CHL1: variants seen among roughly 807,000 people sequenced by gnomAD.
CHL1 encodes the protein cell adhesion molecule L1 like, also known as neural cell adhesion molecule L1-like protein.
Under a neutral mutation model 141.9 loss-of-function variants are expected in CHL1, and 96 were observed. That is an observed-to-expected ratio of 0.68 (90% confidence interval 0.57 to 0.80). The LOEUF (loss-of-function observed/expected upper bound fraction) is 0.80, where lower values mean the gene tolerates loss of function less well. Ranked by LOEUF, CHL1 falls within the 30% of genes least tolerant of loss-of-function variation. CHL1 has a pLI of 0.00. For missense variants in CHL1, 1,820 were observed against 1,457.2 expected, an observed-to-expected ratio of 1.25 and a Z score of -4.05; for synonymous variants, 613 against 502.2, an observed-to-expected ratio of 1.22 and a Z score of -2.95.
intron 2 of CHL1, among the ~76,000 whole-genome samples, chr3:284,793 A>G (rs1440219095): frequency 6.6e-6 from 1 of 151,592 alleles, no homozygotes; most frequent in Non-Finnish European, 1.5e-5. Context: ...CTCCAACCTC[A>G]GTAGATCTAA....
At chr3:358,865 A>G (rs948472798) in intron 11 of CHL1, among the ~76,000 whole-genome samples, 1 of 151,592 alleles carries the variant, frequency 6.6e-6, no homozygotes, top group African/African-American at 2.4e-5. Context: ...TTGATTATTA[A>G]TCTTGTAATG....
rs116720143 is a variant in CHL1 at position 403,229 on chromosome 3, C to T, written c.3458+1531C>T. Among the ~76,000 whole-genome samples, 1,093 of 152,254 alleles carry T rather than the reference C, an allele frequency of 7.2e-3. 4 individuals are homozygous for T. Among genetic ancestry groups the T allele is most frequent in the Middle Eastern group, 0.024 (7 of 294 alleles). On this transcript the variant is annotated intron_variant, in intron 27 of 27. Coordinates refer to ENST00000256509, the MANE Select transcript of CHL1 (RefSeq NM_006614.4). ...CATTCACAACATGGCAGCTGGCTTC[C>T]TTCAGAATGTGTGAGCCAGGGAGCA...
At chr3:198,734 A>G (rs1698641673) in intron 1 of CHL1, among the ~76,000 whole-genome samples, 1 of 152,370 alleles carries the variant, frequency 6.6e-6, no homozygotes, top group South Asian at 2.1e-4. Context: ...TTAATTACAT[A>G]TGGTGCATTT....
chr3:390,937 T>C lies in CHL1; in HGVS notation c.2587-18T>C, dbSNP rs368771978. On this transcript the variant is annotated intron_variant, in intron 21 of 27. Coordinates refer to ENST00000256509, the MANE Select transcript of CHL1 (RefSeq NM_006614.4). ...CGACCACAATGGATATACTAAAAGA[T>C]TTTGGTTTTCATTGCAGATAAATTG... 48 of 1,607,936 alleles carry C rather than the reference T, an allele frequency of 3.0e-5. No individual in the cohort carries two copies. The highest frequency in any genetic ancestry group is 3.7e-5 in the Non-Finnish European group (44 of 1,174,930).
At chr3:371,582 A>G (rs972185596) in intron 15 of CHL1, among the ~76,000 whole-genome samples, 6 of 152,110 alleles carry the variant, frequency 3.9e-5, no homozygotes, top group Admixed American at 3.9e-4. Context: ...GTGACTTTTA[A>G]TTTGGCTACT....
chr3:247,850 C>A (rs542039408), intron 2 of CHL1: 3 of 152,086 alleles, frequency 2.0e-5, no homozygotes, highest in Non-Finnish European at 2.9e-5. Context: ...GAACATTGTG[C>A]ATAAATAATC....
Position 319,862 on chromosome 3 carries a change from C to A in CHL1, c.86C>A (p.Ser29Tyr). 6.4e-7 allele frequency: 1 copy of A among 1,566,362 alleles called. No individual in the cohort carries two copies. Residue 29 changes from serine (S) to tyrosine (Y), a missense_variant, in exon 3 of 28, where the codon TCT becomes TAT. By Grantham distance (144) the Ser-to-Tyr change is moderately radical (BLOSUM62 -2). Transcript: ENST00000256509. ...LKFSKAIEIP[S>Y]SVQQVPTIIK... ...TTCTCAAAAGCAATTGAAATACCAT[C>A]TTCAGGTAAAGTTAAAACATTCAGT... is the stretch of plus-strand genomic sequence containing the variant.
In CHL1 at chr3:361,710, T is replaced by C. The variant is rs765136123; in HGVS notation, c.1318T>C (p.Leu440=). The C allele has an allele frequency of 1.2e-6, 2 of 1,611,304 alleles. No individual in the cohort carries two copies. Among genetic ancestry groups the C allele is most frequent in the South Asian group, 2.2e-5 (2 of 90,996 alleles). The change falls in exon 13 of 28, where the codon TTG becomes CTG. Residue 440 remains leucine, a synonymous_variant. Coordinates refer to ENST00000256509, the MANE Select transcript of CHL1 (RefSeq NM_006614.4). ...ANIDVVDVRP[L]IQTKDGENYA... The stretch of plus-strand genomic sequence containing the variant: ...TTATTTTCAAATAGATGTCCGTCCA[T>C]TGATACAAACCAAAGATGGAGAAAA...
At chr3:273,248 T>C (rs1249775387) in intron 2 of CHL1, among the ~76,000 whole-genome samples, 1 of 152,176 alleles carries the variant, frequency 6.6e-6, no homozygotes, top group East Asian at 1.9e-4. Context: ...AACAGGTCAA[T>C]AAATTATTCA....
At chr3:315,652 C>T (rs927330030) in intron 2 of CHL1, among the ~76,000 whole-genome samples, 6 of 151,976 alleles carry the variant, frequency 3.9e-5, no homozygotes, top group Admixed American at 1.3e-4. Flanking sequence ...GAGGTACGCA[C>T]GCTTGTCCAT....
chr3:293,079 G>T (rs1009838945), intron 2 of CHL1, among the ~76,000 whole-genome samples: 1 of 152,224 alleles, frequency 6.6e-6, no homozygotes, highest in Non-Finnish European at 1.5e-5. Flanking sequence ...TTATCGAACA[G>T]TTATTTGGAT....
intron 2 of CHL1, among the ~76,000 whole-genome samples, chr3:299,790 A>G (rs117446576): frequency 6.6e-6 from 1 of 152,176 alleles, no homozygotes; most frequent in Non-Finnish European, 1.5e-5. Flanking sequence ...ACAATTAGTC[A>G]TCATTCAGAG....
At position 265,930 on chromosome 3, in the gene CHL1, C is replaced by T. The variant is rs73092579; in HGVS notation, c.-95+21238C>T. 5.6e-3 allele frequency among the ~76,000 whole-genome samples: 850 copies of T among 152,290 alleles called. 4 individuals are homozygous for T. Among genetic ancestry groups the T allele is most frequent in the African/African-American group, 0.019 (802 of 41,566 alleles). ...AATAACAAGCCGTCTAATAAACAAACCATCCCATGCACAGAGAAAGAAATG... is the reference window on the plus strand; with the variant it reads ...AATAACAAGCCGTCTAATAAACAAATCATCCCATGCACAGAGAAAGAAATG... On this transcript the variant is annotated intron_variant, in intron 2 of 27. Transcript: ENST00000256509.
At chr3:207,239 G>A (rs1315900246) in intron 1 of CHL1, among the ~76,000 whole-genome samples, 2 of 152,114 alleles carry the variant, frequency 1.3e-5, no homozygotes, top group Non-Finnish European at 2.9e-5. Flanking sequence ...GCTCCAAAAG[G>A]CTCCTTTTTG....
intron 1 of CHL1, among the ~76,000 whole-genome samples, chr3:216,394 ATT>A (rs1216595224): frequency 6.6e-6 from 1 of 152,154 alleles, no homozygotes; most frequent in Non-Finnish European, 1.5e-5. Context: ...ACTTTTGTGT[ATT>A]CTTTCTAATG....
At chr3:230,028 G>T (rs916906120) in intron 1 of CHL1, among the ~76,000 whole-genome samples, 3 of 152,056 alleles carry the variant, frequency 2.0e-5, no homozygotes, top group Non-Finnish European at 4.4e-5. Context: ...TATTATAAAG[G>T]CCCAATAAGG....
At chr3:337,515 TCTC>T (rs1701988990) in intron 5 of CHL1, among the ~76,000 whole-genome samples, 1 of 135,190 alleles carries the variant, frequency 7.4e-6, no homozygotes, top group Non-Finnish European at 1.6e-5. Flanking sequence ...ATCCCTCCCC[TCTC>T]CCCCCACCCC....
intron 2 of CHL1, among the ~76,000 whole-genome samples, chr3:305,070 C>G (rs1018954440): frequency 7.2e-4 from 109 of 152,080 alleles, no homozygotes; most frequent in Admixed American, 6.6e-5. Flanking sequence ...CAAACCATAA[C>G]ATTTAGGAAA....
intron 2 of CHL1, among the ~76,000 whole-genome samples, chr3:304,565 T>A (rs1699059080): frequency 6.6e-6 from 1 of 152,184 alleles, no homozygotes; most frequent in Admixed American, 6.6e-5. Flanking sequence ...TAGTTTGTAT[T>A]TCTGTGGGAT....
Sources: allele counts gnomAD v4.1 joint callset (sites outside exome capture counted in the v4.1 genomes callset), GRCh38; gene constraint gnomAD v4.1.1; transcripts MANE v1.5; gene names NCBI Gene and HGNC (gene_info 2026-07-23, HGNC 2026-07-21).